The following MYO16 variants were observed in gnomAD, a reference collection of about 807,000 sequenced individuals.
MYO16 encodes the protein myosin XVI, also known as unconventional myosin-XVI.
A neutral mutation model predicts 205.3 loss-of-function variants in MYO16; 94 were observed. The observed-to-expected ratio is 0.46, with a 90% CI of 0.39 to 0.54. The LOEUF (loss-of-function observed/expected upper bound fraction) is 0.54. Ranked by LOEUF, MYO16 falls within the 20% of genes least tolerant of loss-of-function variation. MYO16 has a pLI of 0.00. For synonymous variants in MYO16, 988 were observed against 954.0 expected (o/e 1.04, Z -0.66); for missense variants, 2,315 against 2,387.5 (o/e 0.97, Z 0.63).
intron 28 of MYO16, among the ~76,000 whole-genome samples, chr13:109,103,794 A>G (rs1451201008): frequency 2.6e-5 from 4 of 152,100 alleles, no homozygotes; most frequent in East Asian, 1.9e-4. Context: ...TATCTTCAGT[A>G]CTATTACTTT....
intron 4 of MYO16, among the ~76,000 whole-genome samples, chr13:108,778,975 C>T (rs1402433843): frequency 6.6e-6 from 1 of 152,206 alleles, no homozygotes; most frequent in East Asian, 1.9e-4. Context: ...GATGCCATGA[C>T]ACACCACAGT....
chr13:109,100,876 CA>C lies in MYO16; in HGVS notation c.3429del (p.Gly1144AlafsTer11). 6.2e-7 allele frequency: 1 copy of C among 1,612,492 alleles called. No individual in the cohort carries two copies. Among genetic ancestry groups the C allele is most frequent in the Non-Finnish European group, 8.5e-7 (1 of 1,178,692 alleles). ...CRLVLQQCKL[Q>X]GWQMGVRKVF... ...ACTTGTTCTCCAGCAGTGTAAATTA[CA>C]AGGCTGGCAGGTTGGTGACCTACAA... is the stretch of plus-strand genomic sequence containing the variant. On this transcript the variant is annotated frameshift_variant, in exon 28 of 35. Transcript: ENST00000457511. LOFTEE classifies it high-confidence loss of function.
At chr13:108,704,397 T>C (rs9284247) in intron 2 of MYO16, among the ~76,000 whole-genome samples, 117,402 of 152,114 alleles carry the variant, frequency 0.77, 45,496 homozygotes, top group East Asian at 0.98. Context: ...GGAATGATGG[T>C]TTCCATGATG....
chr13:108,865,061 CAG>C (rs1878639024), intron 11 of MYO16, among the ~76,000 whole-genome samples: 1 of 152,122 alleles, frequency 6.6e-6, no homozygotes, highest in Non-Finnish European at 1.5e-5. Context: ...GCCCTTCACA[CAG>C]AGTTCAGAAG....
At chr13:109,049,631 T>G (rs1887171616) in intron 24 of MYO16, among the ~76,000 whole-genome samples, 1 of 152,160 alleles carries the variant, frequency 6.6e-6, no homozygotes, top group African/African-American at 2.4e-5. Context: ...TCAGTTTTAT[T>G]AGAGGCATTT....
chr13:108,603,141 C>T lies in MYO16; in HGVS notation c.-39+6902C>T, dbSNP rs527560567. On this transcript the variant is annotated intron_variant, in intron 1 of 24. Transcript: ENST00000251041. ...ATATTTTGAGATATCATGAAACACA[C>T]ATCTCGCCTAAAAACCAACTGAGAA... 9.0e-4 allele frequency among the ~76,000 whole-genome samples: 137 copies of T among 152,274 alleles called. No homozygotes were observed. In the South Asian group the frequency reaches 0.013, roughly 15 times the overall value.
rs552747622 is a variant in MYO16 at position 108,793,369 on chromosome 13, TAATC to T, written c.617-143_617-140del. 120 of 629,216 alleles carry T rather than the reference TAATC, an allele frequency of 1.9e-4. 4 individuals are homozygous for T. Among genetic ancestry groups the T allele is most frequent in the South Asian group, 1.4e-3 (54 of 37,990 alleles). The allele number at this position is 629,216 out of a possible 1,614,324, so 39.0% of individuals were successfully genotyped here. A position where few individuals can be genotyped will look rare whatever the true frequency, so the allele number is the denominator to read the frequency against. On this transcript the variant is annotated intron_variant, in intron 5 of 34. Coordinates refer to ENST00000457511, the MANE Select transcript of MYO16 (RefSeq NM_001198950.3). ...GTTGGAAATAGAATATGTACAAAGA[TAATC>T]AATTCTTTGAATGAGTGTTCAAAGT...
intron 24 of MYO16, among the ~76,000 whole-genome samples, chr13:109,049,137 A>G (rs921033170): frequency 1.5e-5 from 2 of 135,578 alleles, no homozygotes; most frequent in African/African-American, 5.6e-5. Context: ...AAGTTAGGTT[A>G]TCCCTCTTTA....
intron 21 of MYO16, among the ~76,000 whole-genome samples, chr13:109,007,387 C>CA (rs1027201910): frequency 9.8e-5 from 12 of 122,190 alleles, no homozygotes; most frequent in East Asian, 7.2e-4. Context: ...GACTCCGTCT[C>CA]AAAAAAAAAG....
rs762916024 is a variant in MYO16 at position 109,120,432 on chromosome 13, A to G, written c.3501A>G (p.Leu1167=). 3.7e-5 allele frequency: 59 copies of G among 1,612,260 alleles called. 1 individual carries two copies. The highest frequency in any genetic ancestry group is 4.5e-5 in the Non-Finnish European group (53 of 1,179,382). The change falls in exon 29 of 35, where the codon CTA becomes CTG. Residue 1167 remains leucine (L), a synonymous_variant. Coordinates refer to ENST00000457511, the MANE Select transcript of MYO16 (RefSeq NM_001198950.3). ...CTGACCAACTCAATGATTTGTGCCT[A>G]CAGTTGCAGAGAAAAATTATAACCT... ...WHADQLNDLC[L]QLQRKIITCQ...
In MYO16 at chr13:109,140,981, C is replaced by G. The variant is rs200595201; in HGVS notation, c.4769C>G (p.Ser1590Cys). 5.6e-3 allele frequency: 7,807 copies of G among 1,397,748 alleles called. 24 individuals carry two copies. Among genetic ancestry groups the G allele is most frequent in the Non-Finnish European group, 6.6e-3 (7,095 of 1,072,438 alleles). 86.6% of individuals were successfully genotyped at this position (1,397,748 alleles called of 1,614,324 possible). The change falls in exon 32 of 35, where the codon TCC becomes TGC. Residue 1590 changes from serine to cysteine, a missense_variant. Physicochemically the swap from Ser to Cys is moderately radical, Grantham distance 112. Coordinates refer to ENST00000457511, the MANE Select transcript of MYO16 (RefSeq NM_001198950.3). The surrounding 1 kb of genome is among the most constrained non-coding windows in gnomAD (Gnocchi z 8.0). ...CTGTTCAACGGGTCCGGCCGAGCCT[C>G]CCCGCCGTCCACGCCGCCCCCGCCC... is the stretch of plus-strand genomic sequence containing the variant. ...LALFNGSGRA[S>C]PPSTPPPPPP...
rs115991296 is a variant in MYO16 at position 108,727,670 on chromosome 13, A to G, written c.507+87A>G. On this transcript the variant is annotated intron_variant, in intron 4 of 34. Coordinates refer to ENST00000457511, the MANE Select transcript of MYO16 (RefSeq NM_001198950.3). ...TAACTAATGCTATTTTACAATATGT[A>G]ATATTTTGGTTGAGAAAAATCTGCA... 1.9e-4 allele frequency: 279 copies of G among 1,459,868 alleles called. No homozygotes were observed. In the African/African-American group the frequency reaches 3.2e-3, roughly 17 times the overall value. 90.4% of individuals were successfully genotyped at this position (1,459,868 alleles called of 1,614,324 possible). A position where few individuals can be genotyped will look rare whatever the true frequency, so the allele number is the denominator to read the frequency against.
chr13:108,849,287 T>C (rs1877698371), intron 10 of MYO16, among the ~76,000 whole-genome samples: 1 of 151,954 alleles, frequency 6.6e-6, no homozygotes, highest in East Asian at 1.9e-4. Flanking sequence ...GCCTCCCGGG[T>C]TCAAGCGATT....
chr13:108,771,375 A>C (rs1226631930), intron 4 of MYO16, among the ~76,000 whole-genome samples: 2 of 152,190 alleles, frequency 1.3e-5, no homozygotes, highest in African/African-American at 4.8e-5. Flanking sequence ...GGTTCACAGC[A>C]AAATTTGAGA....
At chr13:108,500,643 T>C in the MYO16 span, among the ~76,000 whole-genome samples, 1 of 152,164 alleles carries the variant, frequency 6.6e-6, no homozygotes, top group Admixed American at 6.5e-5. Context: ...TAAATATGAC[T>C]GAGATGAGTC....
rs1566587622 is a variant in MYO16, at chr13:108,753,381, A to AC, written c.507+25798_507+25799insC. Among the ~76,000 whole-genome samples, 13 of 150,884 alleles carry AC rather than the reference A, an allele frequency of 8.6e-5. 1 individual carries two copies. The highest frequency in any genetic ancestry group is 2.9e-4 in the African/African-American group (12 of 40,964). ...GCAAAACTCTGTGACAAAAAAAAAA[A>AC]AAAAAAAAAAAAAACAATAAAATAT... On this transcript the variant is annotated intron_variant, in intron 4 of 34. Coordinates refer to ENST00000457511, the MANE Select transcript of MYO16 (RefSeq NM_001198950.3).
intron 10 of MYO16, among the ~76,000 whole-genome samples, chr13:108,845,338 T>C (rs1386114577): frequency 3.9e-5 from 6 of 152,166 alleles, no homozygotes; most frequent in African/African-American, 4.8e-5. Flanking sequence ...CACCACAGTC[T>C]GGGTGGCTTG....
Position 108,997,786 on chromosome 13 carries a change from G to A in MYO16, c.2442+5338G>A, listed in dbSNP as rs147252452. ...CCAGAAGGCGGAGGTTGCAGTGAGC[G>A]GAGATCGCACCACCGTACTCCAGCC... On this transcript the variant is annotated intron_variant, in intron 21 of 34. Transcript: ENST00000457511. Among the ~76,000 whole-genome samples, 928 of 152,178 alleles carry A rather than the reference G, an allele frequency of 6.1e-3. 11 individuals are homozygous for A. The highest frequency in any genetic ancestry group is 0.021 in the African/African-American group (884 of 41,522).
intron 34 of MYO16, among the ~76,000 whole-genome samples, chr13:109,185,398 TAA>T (rs539966453): frequency 6.7e-6 from 1 of 148,768 alleles, no homozygotes. Context: ...TGTAGGTGCT[TAA>T]AAAAAAAAAA....
Sources: allele counts gnomAD v4.1 joint callset (sites outside exome capture counted in the v4.1 genomes callset), GRCh38; gene constraint gnomAD v4.1.1; non-coding constraint Gnocchi (gnomAD v3.1); transcripts MANE v1.5; gene names NCBI Gene and HGNC (gene_info 2026-07-23, HGNC 2026-07-21).